Variants in CPPED1 observed in about 807,000 individuals in gnomAD.
CPPED1 encodes serine/threonine-protein phosphatase CPPED1.
CPPED1 carries 28 observed loss-of-function variants against 28.0 expected under a neutral mutation model. That is an observed-to-expected ratio of 1.00 (90% CI 0.74 to 1.37). The LOEUF is 1.37. Among genes scored for constraint, CPPED1 ranks in the 40% most tolerant of loss-of-function variants. CPPED1 has a pLI of 0.00. For missense variants in CPPED1, 504 were observed against 416.5 expected (o/e 1.21, Z -1.83); for synonymous variants, 198 against 180.2 (o/e 1.10, Z -0.79).
intron 1 of CPPED1, among the ~76,000 whole-genome samples, chr16:12,785,235 G>A (rs1468942070): frequency 6.6e-6 from 1 of 152,110 alleles, no homozygotes; most frequent in Admixed American, 6.6e-5. Flanking sequence ...TTTACATTAT[G>A]AAAGTGAATT....
At chr16:12,705,229 G>T (rs1022522764) in intron 2 of CPPED1, among the ~76,000 whole-genome samples, 180 bp from the exon 3 acceptor site, 1 of 152,170 alleles carries the variant, frequency 6.6e-6, no homozygotes, top group Non-Finnish European at 1.5e-5. Flanking sequence ...GTCCGACGGG[G>T]GCCTCTGCCC....
intron 3 of CPPED1, among the ~76,000 whole-genome samples, chr16:12,676,586 A>T (rs2079878898): frequency 6.6e-6 from 1 of 152,156 alleles, no homozygotes; most frequent in South Asian, 2.1e-4. Context: ...TCAGAAGCAC[A>T]GGCTCTGTCC....
intron 2 of CPPED1, among the ~76,000 whole-genome samples, chr16:12,711,959 G>T (rs1486211173): frequency 1.3e-5 from 2 of 152,112 alleles, no homozygotes; most frequent in Non-Finnish European, 2.9e-5. Flanking sequence ...CAGGTCTCAG[G>T]TGTTCAGAGA....
chr16:12,689,217 CTTTTTT>C (rs869107040), intron 3 of CPPED1, among the ~76,000 whole-genome samples: 5 of 83,586 alleles, frequency 6.0e-5, no homozygotes, highest in East Asian at 8.3e-4. Context: ...GAAAAGAGGG[CTTTTTT>C]TTTTTTTTTT....
At chr16:12,732,487 CACA>C (rs2080204178) in intron 2 of CPPED1, among the ~76,000 whole-genome samples, 1 of 114,376 alleles carries the variant, frequency 8.7e-6, no homozygotes, top group Non-Finnish European at 1.8e-5. Context: ...CACACACACA[CACA>C]GATGGAGAGA....
intron 2 of CPPED1, among the ~76,000 whole-genome samples, chr16:12,769,417 A>G (rs1348107439): frequency 6.6e-6 from 1 of 152,176 alleles, no homozygotes; most frequent in Non-Finnish European, 1.5e-5. Flanking sequence ...AAAATGGGTT[A>G]AGACGCCGAG....
intron 3 of CPPED1, among the ~76,000 whole-genome samples, chr16:12,673,866 A>G (rs1316480821): frequency 6.6e-6 from 1 of 152,030 alleles, no homozygotes; most frequent in Non-Finnish European, 1.5e-5. Context: ...CGGCAACATC[A>G]TAAGACCCTG....
At chr16:12,703,473 G>A (rs1275222416) in intron 3 of CPPED1, among the ~76,000 whole-genome samples, 2 of 152,130 alleles carry the variant, frequency 1.3e-5, no homozygotes, top group African/African-American at 4.8e-5. Flanking sequence ...CTTGGGGTCA[G>A]GAGTTTGGAA....
intron 1 of CPPED1, among the ~76,000 whole-genome samples, chr16:12,784,577 T>A (rs2080552014): frequency 6.6e-6 from 1 of 151,718 alleles, no homozygotes; most frequent in Non-Finnish European, 1.5e-5. Flanking sequence ...AAACTGAGAC[T>A]CTGCTTTGTG....
At chr16:12,720,866 A>C (rs1426208350) in intron 2 of CPPED1, among the ~76,000 whole-genome samples, 1 of 152,242 alleles carries the variant, frequency 6.6e-6, no homozygotes, top group East Asian at 1.9e-4. Flanking sequence ...TAGGATAAAA[A>C]TCCCATGCCC....
intron 3 of CPPED1, among the ~76,000 whole-genome samples, chr16:12,689,468 G>A (rs925095289): frequency 2.6e-5 from 4 of 151,614 alleles, no homozygotes; most frequent in African/African-American, 9.7e-5. Flanking sequence ...GGCCTCAACT[G>A]ATCCTCCCAC....
At position 12,712,909 on chromosome 16, in the gene CPPED1, A is replaced by C. The variant is rs1007073640; in HGVS notation, c.290-7860T>G. ...AGCATAAGTTACTTTCATTATAGAAAAATAATCAAGACATTAAAAAATCAC... is the reference window on the plus strand; with the variant it reads ...AGCATAAGTTACTTTCATTATAGAACAATAATCAAGACATTAAAAAATCAC... On this transcript the variant is annotated intron_variant, in intron 2 of 3. Transcript: ENST00000381774. 2.0e-5 allele frequency among the ~76,000 whole-genome samples: 3 copies of C among 152,196 alleles called. No homozygotes were observed. The East Asian group carries it at 5.8e-4, about 29-fold the overall frequency.
intron 2 of CPPED1, among the ~76,000 whole-genome samples, chr16:12,713,446 A>G (rs912268366): frequency 2.6e-5 from 4 of 152,016 alleles, no homozygotes; most frequent in Admixed American, 6.6e-5. Context: ...GCTTGCTGCA[A>G]TCTCTGCCTC....
At chr16:12,789,659 G>A (rs896139130) in intron 1 of CPPED1, among the ~76,000 whole-genome samples, 4 of 151,970 alleles carry the variant, frequency 2.6e-5, no homozygotes, top group Non-Finnish European at 4.4e-5. Flanking sequence ...TGGAGTCGAC[G>A]GGAGCACAGG....
At chr16:12,803,259 G>C (rs1253055046) in intron 1 of CPPED1, among the ~76,000 whole-genome samples, 1 of 152,198 alleles carries the variant, frequency 6.6e-6, no homozygotes, top group Non-Finnish European at 1.5e-5. Context: ...ATGGAGTACA[G>C]AATACATAAC....
chr16:12,735,392 A>G (rs187440735), intron 2 of CPPED1, among the ~76,000 whole-genome samples: 1 of 152,322 alleles, frequency 6.6e-6, no homozygotes, highest in Non-Finnish European at 1.5e-5. Flanking sequence ...CCTGGGTTCA[A>G]CTGATTCTCC....
At chr16:12,691,711 G>A (rs555195415) in intron 3 of CPPED1, among the ~76,000 whole-genome samples, 1 of 150,080 alleles carries the variant, frequency 6.7e-6, no homozygotes, top group South Asian at 2.1e-4. Flanking sequence ...CTATCGCAAG[G>A]ACAAAAGACC....
At chr16:12,672,943 G>C (rs369044066) in intron 3 of CPPED1, among the ~76,000 whole-genome samples, 38 of 152,326 alleles carry the variant, frequency 2.5e-4, no homozygotes, top group South Asian at 1.9e-3. Context: ...GAACTCGGGA[G>C]GCGGAGGTTG....
intron 2 of CPPED1, among the ~76,000 whole-genome samples, chr16:12,733,643 G>T (rs969330399): frequency 1.3e-5 from 2 of 152,146 alleles, no homozygotes; most frequent in Non-Finnish European, 2.9e-5. Flanking sequence ...TGGAGAGAAG[G>T]ACAGAGCTAA....
Sources: allele counts gnomAD v4.1 joint callset (sites outside exome capture counted in the v4.1 genomes callset), GRCh38; gene constraint gnomAD v4.1.1; transcripts MANE v1.5; gene names NCBI Gene and HGNC (gene_info 2026-07-23, HGNC 2026-07-21).